The following IGF2BP3 variants were observed in gnomAD, a reference collection of about 807,000 sequenced individuals.
IGF2BP3 encodes the protein insulin like growth factor 2 mRNA binding protein 3.
A neutral mutation model predicts 73.8 loss-of-function variants in IGF2BP3; 9 were observed. The observed-to-expected ratio is 0.12, with a 90% CI of 0.07 to 0.21. The LOEUF (loss-of-function observed/expected upper bound fraction) is 0.21. Among genes scored for constraint, IGF2BP3 ranks in the 10% least tolerant of loss-of-function variants. The pLI, the probability that IGF2BP3 is intolerant of heterozygous loss-of-function variation, is 1.00. For missense variants in IGF2BP3, 542 were observed against 714.0 expected, an observed-to-expected ratio of 0.76 and a Z score of 2.75; for synonymous variants, 258 against 256.7, an observed-to-expected ratio of 1.01 and a Z score of -0.05.
chr7:23,348,308 TA>T (rs1339988797), intron 6 of IGF2BP3, among the ~76,000 whole-genome samples: 1 of 152,172 alleles, frequency 6.6e-6, no homozygotes, highest in African/African-American at 2.4e-5. Context: ...AAGTGGCCAA[TA>T]AACTCAAAAT....
At chr7:23,432,245 C>CA (rs1156717961) in intron 2 of IGF2BP3, among the ~76,000 whole-genome samples, 2 of 152,080 alleles carry the variant, frequency 1.3e-5, no homozygotes, top group African/African-American at 2.4e-5. Flanking sequence ...TAGAAGAGTC[C>CA]AAAAAAGACT....
At chr7:23,369,893 T>C (rs1037278369) in intron 3 of IGF2BP3, among the ~76,000 whole-genome samples, 1 of 152,186 alleles carries the variant, frequency 6.6e-6, no homozygotes, top group Admixed American at 6.6e-5. Context: ...TGACTGCTTA[T>C]TCTGCATACC....
intron 2 of IGF2BP3, among the ~76,000 whole-genome samples, chr7:23,443,385 A>G (rs991207481): frequency 2.6e-5 from 4 of 152,026 alleles, no homozygotes; most frequent in African/African-American, 9.7e-5. Flanking sequence ...TCGGCCTCCC[A>G]AAGTGCTGGG....
At chr7:23,393,328 T>A (rs1237880791) in intron 3 of IGF2BP3, among the ~76,000 whole-genome samples, 1 of 152,188 alleles carries the variant, frequency 6.6e-6, no homozygotes, top group Admixed American at 6.5e-5. Context: ...CAAGTTATTA[T>A]TAATAACTAA....
intron 3 of IGF2BP3, among the ~76,000 whole-genome samples, chr7:23,394,189 T>C (rs1786375530): frequency 6.6e-6 from 1 of 152,218 alleles, no homozygotes; most frequent in Non-Finnish European, 1.5e-5. Flanking sequence ...GATAACGCTA[T>C]TTATAATCAG....
chr7:23,318,964 C>T (rs985624638), intron 11 of IGF2BP3, among the ~76,000 whole-genome samples, 174 bp downstream of exon 11: 1 of 152,236 alleles, frequency 6.6e-6, no homozygotes, highest in Non-Finnish European at 1.5e-5. Context: ...GTGTTTTCTG[C>T]ACAGAGAAGT....
chr7:23,354,957 G>A (rs1785054632), intron 5 of IGF2BP3, among the ~76,000 whole-genome samples: 1 of 152,194 alleles, frequency 6.6e-6, no homozygotes, highest in South Asian at 2.1e-4. Flanking sequence ...GCTTTCTCAT[G>A]ATTGCAGCTC....
rs970017300 is a variant in IGF2BP3 at position 23,321,256 on chromosome 7, T to C, written c.1204-2002A>G. On this transcript the variant is annotated intron_variant, in intron 10 of 14. Coordinates refer to ENST00000258729, the MANE Select transcript of IGF2BP3 (RefSeq NM_006547.3). The stretch of plus-strand genomic sequence containing the variant: ...GAAGCAGGGCGAGGCATTGCCTCAC[T>C]CGGGAAGCGCAAGGGGTCAGGGAGT... 1.2e-4 allele frequency among the ~76,000 whole-genome samples: 18 copies of C among 152,304 alleles called. 1 individual carries two copies. Among genetic ancestry groups the C allele is most frequent in the South Asian group, 6.2e-4 (3 of 4,832 alleles).
At chr7:23,353,957 A>C (rs886659141) in intron 5 of IGF2BP3, among the ~76,000 whole-genome samples, 1 of 152,240 alleles carries the variant, frequency 6.6e-6, no homozygotes, top group African/African-American at 2.4e-5. Flanking sequence ...GAGATGCAGA[A>C]GAGTCAACCA....
chr7:23,415,062 A>G (rs1006733173), intron 3 of IGF2BP3: 1 of 201,258 alleles, frequency 5.0e-6, no homozygotes, highest in Non-Finnish European at 1.0e-5. Flanking sequence ...CCCCACCCGC[A>G]GGTCCCCATC....
chr7:23,426,963 T>C (rs1374289642), intron 2 of IGF2BP3, among the ~76,000 whole-genome samples: 2 of 152,250 alleles, frequency 1.3e-5, no homozygotes, highest in Non-Finnish European at 2.9e-5. Flanking sequence ...ATACTAAGTA[T>C]AGTAAAGACA....
At chr7:23,452,106 GC>G (rs1788214178) in intron 2 of IGF2BP3, among the ~76,000 whole-genome samples, 1 of 151,688 alleles carries the variant, frequency 6.6e-6, no homozygotes, top group Non-Finnish European at 1.5e-5. Context: ...CTGGGTCCAC[GC>G]CATTCTCTTG....
chr7:23,415,051 A>C (rs1584016042), intron 3 of IGF2BP3: 1 of 196,502 alleles, frequency 5.1e-6, no homozygotes. Flanking sequence ...AGTCAGCATC[A>C]CCCCACCCGC....
chr7:23,412,132 G>A (rs574124961), intron 3 of IGF2BP3, among the ~76,000 whole-genome samples: 95 of 151,720 alleles, frequency 6.3e-4, no homozygotes, highest in South Asian at 1.2e-3. Context: ...ACAGGCATGC[G>A]CTACCATGCC....
chr7:23,344,454 TA>T (rs1784785100), intron 8 of IGF2BP3, among the ~76,000 whole-genome samples: 1 of 152,238 alleles, frequency 6.6e-6, no homozygotes, highest in Non-Finnish European at 1.5e-5. Flanking sequence ...GACTAAAATT[TA>T]AAATGGTTCA....
chr7:23,323,761 G>C (rs995362167), intron 10 of IGF2BP3, among the ~76,000 whole-genome samples: 2 of 152,156 alleles, frequency 1.3e-5, no homozygotes, highest in African/African-American at 4.8e-5. Context: ...TCAGGATTAA[G>C]AAACTCACTC....
chr7:23,441,884 G>A (rs1584048717), intron 2 of IGF2BP3, among the ~76,000 whole-genome samples: 2 of 152,178 alleles, frequency 1.3e-5, no homozygotes, highest in South Asian at 4.1e-4. Context: ...CAGCACTTTG[G>A]GAGGCAGAGG....
chr7:23,312,141 T>G lies in IGF2BP3; in HGVS notation c.*221A>C. 2 of 449,496 alleles carry G rather than the reference T, an allele frequency of 4.4e-6. No homozygotes were observed. The highest frequency in any genetic ancestry group is 3.6e-5 in the East Asian group (1 of 27,820). The allele number at this position is 449,496 out of a possible 1,614,324, so 27.8% of individuals were successfully genotyped here. On this transcript the variant is annotated 3_prime_UTR_variant, in exon 15 of 15. Coordinates refer to ENST00000258729, the MANE Select transcript of IGF2BP3 (RefSeq NM_006547.3). ...CCTCCCCCACCCTTTTTTTGTTTGTTTGTTTGTTTGTTTTAAAGCTGGGTG... is the reference window on the plus strand; with the variant it reads ...CCTCCCCCACCCTTTTTTTGTTTGTGTGTTTGTTTGTTTTAAAGCTGGGTG...
In IGF2BP3 at chr7:23,440,125, T is replaced by C. The variant is rs188143084; in HGVS notation, c.237-21301A>G. On this transcript the variant is annotated intron_variant, in intron 2 of 14. Transcript: ENST00000258729. ...AAAAATACAAAAAATTAGCTGGGTG[T>C]GGTGGCACGCGCCTGCAGTCCCAGC... Among the ~76,000 whole-genome samples, 289 of 152,218 alleles carry C rather than the reference T, an allele frequency of 1.9e-3. 1 individual carries two copies. The highest frequency in any genetic ancestry group is 6.5e-3 in the African/African-American group (270 of 41,542).
Sources: gnomAD v4.1 joint callset for allele counts (sites outside exome capture counted in the v4.1 genomes callset) on GRCh38, gnomAD v4.1.1 for gene constraint, MANE v1.5 for transcripts, NCBI Gene and HGNC (gene_info 2026-07-23, HGNC 2026-07-21) for gene names.